Variants in IGDCC3 observed in about 807,000 individuals in gnomAD.
IGDCC3 encodes putative neuronal cell adhesion molecule.
In IGDCC3, 47 loss-of-function variants were observed where a neutral mutation model predicts 72.0. The ratio of observed to expected loss-of-function variants is 0.65; its 90% CI spans 0.52 to 0.83. The LOEUF (loss-of-function observed/expected upper bound fraction) is 0.83. Among genes scored for constraint, IGDCC3 ranks in the 40% least tolerant of loss-of-function variants. The pLI, the probability that IGDCC3 is intolerant of heterozygous loss-of-function variation, is 0.00. For synonymous variants in IGDCC3, 477 were observed against 472.8 expected, an observed-to-expected ratio of 1.01 and a Z score of -0.11; for missense variants, 1,038 against 1,091.3, an observed-to-expected ratio of 0.95 and a Z score of 0.69.
chr15:65,360,877 G>A (rs1296889761), intron 2 of IGDCC3, among the ~76,000 whole-genome samples: 1 of 152,292 alleles, frequency 6.6e-6, no homozygotes, highest in Admixed American at 6.5e-5. Context: ...CAAGGCTCAA[G>A]TGATTCTCCT....
chr15:65,364,768 C>T (rs1215290146), intron 2 of IGDCC3, among the ~76,000 whole-genome samples: 1 of 152,126 alleles, frequency 6.6e-6, no homozygotes, highest in Non-Finnish European at 1.5e-5. Context: ...GTAGTCCCAG[C>T]TTTTTGGGAG....
chr15:65,356,848 C>CTTTTT lies in IGDCC3; in HGVS notation c.409+18244_409+18248dup, dbSNP rs766472764. On this transcript the variant is annotated intron_variant, in intron 2 of 13. Transcript: ENST00000327987. Reference sequence around the variant, plus strand: ...GATGTGAGATTTGAGAATGGACCTGCTTTTTTTTTTTTTTTTTTTGAGATG... The same window carrying CTTTTT: ...GATGTGAGATTTGAGAATGGACCTGCTTTTTTTTTTTTTTTTTTTTTTTTGAGATG... 1.4e-3 allele frequency among the ~76,000 whole-genome samples: 96 copies of CTTTTT among 70,878 alleles called. 17 individuals are homozygous for CTTTTT. The highest frequency in any genetic ancestry group is 5.1e-3 in the African/African-American group (76 of 15,028). 46.5% of individuals were successfully genotyped at this position (70,878 alleles called of 152,430 possible). A position where few individuals can be genotyped will look rare whatever the true frequency, so the allele number is the denominator to read the frequency against.
chr15:65,363,066 GCTGGT>G (rs1397928150), intron 2 of IGDCC3, among the ~76,000 whole-genome samples: 4 of 151,906 alleles, frequency 2.6e-5, no homozygotes, highest in African/African-American at 9.7e-5. Flanking sequence ...CACCATGTTG[GCTGGT>G]CTGGTCTGGA....
chr15:65,330,491 C>T (rs2090966631), intron 10 of IGDCC3, 59 bp downstream of exon 10: 1 of 1,584,584 alleles, frequency 6.3e-7, no homozygotes, highest in Non-Finnish European at 8.6e-7. Flanking sequence ...ACGCCACCTC[C>T]TGGCCCTCAG....
Position 65,335,286 on chromosome 15 carries a change from C to A in IGDCC3, c.685+5G>T. 2.5e-6 allele frequency: 4 copies of A among 1,605,578 alleles called. No homozygotes were observed. The highest frequency in any genetic ancestry group is 3.4e-6 in the Non-Finnish European group (4 of 1,175,628). On this transcript the variant is annotated splice_donor_5th_base_variant and intron_variant, in intron 4 of 13. Transcript: ENST00000327987. Reference sequence around the variant, plus strand: ...GGTTGGGGGAAAGTGCTGAAGGACCCTCACCTGACACAGTGAGCCTGGCCC... The same window carrying A: ...GGTTGGGGGAAAGTGCTGAAGGACCATCACCTGACACAGTGAGCCTGGCCC...
rs1213802796 is a variant in IGDCC3, at chr15:65,329,866, TG to T, written c.1859-3del. 6.2e-7 allele frequency: 1 copy of T among 1,613,722 alleles called. No individual in the cohort carries two copies. The highest frequency in any genetic ancestry group is 8.5e-7 in the Non-Finnish European group (1 of 1,180,004). On this transcript the variant is annotated splice_polypyrimidine_tract_variant and splice_region_variant and intron_variant, in intron 11 of 13. Transcript: ENST00000327987. The surrounding 1 kb of genome is among the most constrained non-coding windows in gnomAD (Gnocchi z 4.1). ...GGCAGTCACATGGTGGGCTCAAGGC[TG>T]GGGACAGGGACGGGTTGGAGGCTTT...
At chr15:65,331,826 C>A in intron 7 of IGDCC3, 115 bp downstream of exon 7, 2 of 1,416,336 alleles carry the variant, frequency 1.4e-6, no homozygotes, top group South Asian at 1.3e-5. Flanking sequence ...CTCCAGACTC[C>A]CAATTCTGTG....
At chr15:65,344,951 T>C (rs76430434) in intron 2 of IGDCC3, among the ~76,000 whole-genome samples, 172 of 152,288 alleles carry the variant, frequency 1.1e-3, no homozygotes, top group African/African-American at 4.0e-3. Context: ...AAGCATCTCC[T>C]GCTCCATGTG....
At chr15:65,345,602 A>C (rs555240169) in intron 2 of IGDCC3, among the ~76,000 whole-genome samples, 1 of 132,640 alleles carries the variant, frequency 7.5e-6, no homozygotes, top group East Asian at 2.2e-4. Context: ...ATGCACACAC[A>C]GACACGCACA....
At chr15:65,343,646 C>G (rs2091101727) in intron 2 of IGDCC3, among the ~76,000 whole-genome samples, 1 of 152,206 alleles carries the variant, frequency 6.6e-6, no homozygotes, top group Non-Finnish European at 1.5e-5. Context: ...GTTAAAACAC[C>G]TGCTGAACTC....
intron 2 of IGDCC3, among the ~76,000 whole-genome samples, chr15:65,341,007 G>A (rs1017197209): frequency 7.2e-5 from 11 of 152,254 alleles, no homozygotes; most frequent in Non-Finnish European, 1.6e-4. Context: ...GGGATTACAG[G>A]CGTGAGCCAC....
chr15:65,363,307 C>A (rs934591524), intron 2 of IGDCC3, among the ~76,000 whole-genome samples: 1 of 152,152 alleles, frequency 6.6e-6, no homozygotes, highest in Non-Finnish European at 1.5e-5. Context: ...ATGATGAGCC[C>A]CCAAAACCAA....
In IGDCC3 at chr15:65,339,359, C is replaced by T. The variant is rs1256446100; in HGVS notation, c.410-3403G>A. Among the ~76,000 whole-genome samples, 2 of 152,220 alleles carry T rather than the reference C, an allele frequency of 1.3e-5. No homozygotes were observed. The highest frequency in any genetic ancestry group is 4.8e-5 in the African/African-American group (2 of 41,462). On this transcript the variant is annotated intron_variant, in intron 2 of 13. Transcript: ENST00000327987. This position sits in a 1 kb window ranked among gnomAD's most constrained non-coding sequence, Gnocchi z 4.1. ...CTTCCCAAAGTGCTGGGATTCCAGG[C>T]GTGAGCTACTGTGCCTGGCCAATTT... is the stretch of plus-strand genomic sequence containing the variant.
intron 2 of IGDCC3, among the ~76,000 whole-genome samples, chr15:65,357,583 A>G (rs2091233120): frequency 6.6e-6 from 1 of 152,262 alleles, no homozygotes. Context: ...CCAAACGAGC[A>G]GGAGCCAAGT....
chr15:65,335,916 A>C lies in IGDCC3; in HGVS notation c.450T>G (p.Gly150=), dbSNP rs1001149326. The change falls in exon 3 of 14, where the codon GGT becomes GGG. Residue 150 remains glycine, a synonymous_variant. Coordinates refer to ENST00000327987, the MANE Select transcript of IGDCC3 (RefSeq NM_004884.4). Reference sequence around the variant, plus strand: ...GGAAGCGGGCCACACCACCCTCCTCACCCACGGTGGCCTGGGGATGCACGT... The same window carrying C: ...GGAAGCGGGCCACACCACCCTCCTCCCCCACGGTGGCCTGGGGATGCACGT... ...DFHVHPQATV[G]EEGGVARFQC... 6.2e-7 allele frequency: 1 copy of C among 1,613,860 alleles called. No homozygotes were observed. Among genetic ancestry groups the C allele is most frequent in the African/African-American group, 1.3e-5 (1 of 74,950 alleles).
intron 2 of IGDCC3, among the ~76,000 whole-genome samples, 188 bp from the exon 3 acceptor site, chr15:65,336,144 A>C (rs1230432797): frequency 6.6e-5 from 10 of 152,154 alleles, no homozygotes; most frequent in African/African-American, 2.4e-4. Flanking sequence ...GCTAGGAAAC[A>C]TCTCCCCTGA....
chr15:65,363,821 AG>A (rs2140166436), intron 2 of IGDCC3, among the ~76,000 whole-genome samples: 1 of 152,266 alleles, frequency 6.6e-6, no homozygotes, highest in African/African-American at 2.4e-5. Context: ...AGCAAAGAGG[AG>A]GGGGGAATTT....
chr15:65,333,910 A>C (rs923145315), intron 5 of IGDCC3, among the ~76,000 whole-genome samples: 16 of 152,090 alleles, frequency 1.1e-4, no homozygotes, highest in African/African-American at 3.9e-4. Flanking sequence ...GTTGGACCAG[A>C]TGGTCCCTGG....
intron 4 of IGDCC3, 122 bp downstream of exon 4, chr15:65,335,169 G>A (rs1472715292): frequency 3.6e-6 from 4 of 1,112,796 alleles, no homozygotes; most frequent in Admixed American, 2.5e-5. Flanking sequence ...CACAGAGCCC[G>A]GCACTCTGCA....
Sources: allele counts gnomAD v4.1 joint callset (sites outside exome capture counted in the v4.1 genomes callset), GRCh38; gene constraint gnomAD v4.1.1; non-coding constraint Gnocchi (gnomAD v3.1); transcripts MANE v1.5; gene names NCBI Gene and HGNC (gene_info 2026-07-23, HGNC 2026-07-21).